ST6GALNAC3: variants seen among roughly 807,000 people sequenced by gnomAD.
The protein encoded by ST6GALNAC3 is alpha-N-acetylgalactosaminide alpha-2,6-sialyltransferase 3.
In ST6GALNAC3, 25 loss-of-function variants were observed where a neutral mutation model predicts 32.7. The ratio of observed to expected loss-of-function variants is 0.76; its 90% CI spans 0.56 to 1.07. ST6GALNAC3 has a LOEUF of 1.07. Ranked by LOEUF, ST6GALNAC3 falls within the 50% of genes least tolerant of loss-of-function variation. The pLI is 0.00. For missense variants in ST6GALNAC3, 355 were observed against 382.4 expected (o/e 0.93, Z 0.60); for synonymous variants, 129 against 133.1 (o/e 0.97, Z 0.21).
intron 3 of ST6GALNAC3, among the ~76,000 whole-genome samples, chr1:76,472,062 G>C (rs1659066803): frequency 6.6e-6 from 1 of 152,022 alleles, no homozygotes; most frequent in Non-Finnish European, 1.5e-5. Context: ...GGTAAGCATT[G>C]ATTTGTAGAG....
intron 3 of ST6GALNAC3, among the ~76,000 whole-genome samples, chr1:76,533,514 A>G (rs1404176072): frequency 6.6e-6 from 1 of 152,006 alleles, no homozygotes; most frequent in Non-Finnish European, 1.5e-5. Context: ...CATGTTCCCT[A>G]TTACTTCCAC....
At chr1:76,448,465 GA>G (rs1170818216) in intron 3 of ST6GALNAC3, among the ~76,000 whole-genome samples, 1 of 152,142 alleles carries the variant, frequency 6.6e-6, no homozygotes. Flanking sequence ...GATTAGTTTT[GA>G]AATGTGAGGA....
At chr1:76,471,483 G>T (rs1659027108) in intron 3 of ST6GALNAC3, among the ~76,000 whole-genome samples, 1 of 152,030 alleles carries the variant, frequency 6.6e-6, no homozygotes, top group African/African-American at 2.4e-5. Flanking sequence ...GTGAAGCCGG[G>T]ATTCTTAAAG....
chr1:76,285,997 A>C (rs995770272), intron 1 of ST6GALNAC3, among the ~76,000 whole-genome samples: 1 of 152,124 alleles, frequency 6.6e-6, no homozygotes, highest in Non-Finnish European at 1.5e-5. Context: ...AGACACAGGA[A>C]AGACATGCAG....
intron 2 of ST6GALNAC3, among the ~76,000 whole-genome samples, chr1:76,335,296 T>A (rs1647372029): frequency 6.6e-6 from 1 of 152,204 alleles, no homozygotes; most frequent in Admixed American, 6.5e-5. Context: ...TTTACAATAA[T>A]TTGTATTTAT....
chr1:76,608,377 G>A (rs76022909), intron 3 of ST6GALNAC3, among the ~76,000 whole-genome samples: 2 of 152,282 alleles, frequency 1.3e-5, no homozygotes, highest in East Asian at 3.9e-4. Flanking sequence ...CAACACTCAT[G>A]AAATTTGCAG....
At chr1:76,233,414 C>G (rs1178766220) in intron 1 of ST6GALNAC3, among the ~76,000 whole-genome samples, 1 of 152,134 alleles carries the variant, frequency 6.6e-6, no homozygotes, top group Non-Finnish European at 1.5e-5. Flanking sequence ...TACAAGTAAG[C>G]CCAAAAACAA....
intron 1 of ST6GALNAC3, among the ~76,000 whole-genome samples, chr1:76,225,907 A>G (rs920840923): frequency 2.6e-5 from 4 of 152,130 alleles, no homozygotes; most frequent in Non-Finnish European, 4.4e-5. Flanking sequence ...ACTGGACTTC[A>G]CCCATTCACA....
At chr1:76,545,843 G>A (rs913066627) in intron 3 of ST6GALNAC3, among the ~76,000 whole-genome samples, 1 of 152,038 alleles carries the variant, frequency 6.6e-6, no homozygotes, top group African/African-American at 2.4e-5. Context: ...ATTTTTAGTA[G>A]AGACAGGGTT....
intron 3 of ST6GALNAC3, among the ~76,000 whole-genome samples, chr1:76,558,684 C>G (rs2100414706): frequency 6.6e-6 from 1 of 152,210 alleles, no homozygotes; most frequent in Middle Eastern, 3.4e-3. Flanking sequence ...TATTTGTACA[C>G]CAAAGTTTAG....
intron 1 of ST6GALNAC3, among the ~76,000 whole-genome samples, chr1:76,211,773 C>T (rs371424621): frequency 4.1e-4 from 61 of 148,882 alleles, no homozygotes; most frequent in African/African-American, 1.3e-3. Context: ...CATCACACAC[C>T]GGGGCCTGTT....
intron 3 of ST6GALNAC3, among the ~76,000 whole-genome samples, chr1:76,532,625 T>C (rs1663331103): frequency 6.6e-6 from 1 of 152,150 alleles, no homozygotes; most frequent in Non-Finnish European, 1.5e-5. Flanking sequence ...ACCAGAAATG[T>C]ATATATTTGG....
At chr1:76,211,192 T>A (rs1412042269) in intron 1 of ST6GALNAC3, among the ~76,000 whole-genome samples, 1 of 152,164 alleles carries the variant, frequency 6.6e-6, no homozygotes, top group Non-Finnish European at 1.5e-5. Context: ...AAAATGCTCA[T>A]CATCACTGGC....
At chr1:76,603,279 A>G (rs1647317331) in intron 3 of ST6GALNAC3, among the ~76,000 whole-genome samples, 1 of 152,198 alleles carries the variant, frequency 6.6e-6, no homozygotes, top group Non-Finnish European at 1.5e-5. Flanking sequence ...TACAGAGGTA[A>G]TGTTTGCAAA....
intron 1 of ST6GALNAC3, among the ~76,000 whole-genome samples, chr1:76,280,892 G>T (rs756857356): frequency 2.6e-5 from 4 of 152,172 alleles, no homozygotes; most frequent in African/African-American, 2.4e-5. Context: ...TAGAGTAGAT[G>T]CTCACTGAAT....
intron 1 of ST6GALNAC3, among the ~76,000 whole-genome samples, chr1:76,309,117 C>T (rs567129408): frequency 7.2e-5 from 11 of 152,282 alleles, no homozygotes; most frequent in Admixed American, 5.2e-4. Flanking sequence ...ACTGTTCCTC[C>T]TATACTTACC....
intron 3 of ST6GALNAC3, among the ~76,000 whole-genome samples, chr1:76,490,276 C>T (rs1246063419): frequency 6.6e-6 from 1 of 152,026 alleles, no homozygotes; most frequent in Non-Finnish European, 1.5e-5. Context: ...GCTCACCACA[C>T]TCTAGGCCTA....
intron 1 of ST6GALNAC3, among the ~76,000 whole-genome samples, chr1:76,137,596 GA>G (rs1650032515): frequency 6.6e-6 from 1 of 152,216 alleles, no homozygotes; most frequent in African/African-American, 2.4e-5. Flanking sequence ...AGGAGATTAT[GA>G]TTTAATAATC....
chr1:76,090,356 T>G (rs1647027442), intron 1 of ST6GALNAC3, among the ~76,000 whole-genome samples: 1 of 152,254 alleles, frequency 6.6e-6, no homozygotes, highest in Non-Finnish European at 1.5e-5. Context: ...GTCTCACTGA[T>G]AAGCAGATAC....
Sources: gnomAD v4.1 joint callset for allele counts (sites outside exome capture counted in the v4.1 genomes callset) on GRCh38, gnomAD v4.1.1 for gene constraint, MANE v1.5 for transcripts, NCBI Gene and HGNC (gene_info 2026-07-23, HGNC 2026-07-21) for gene names.